The following TDRD3 variants were observed in gnomAD, a reference collection of about 807,000 sequenced individuals.
TDRD3 encodes tudor domain containing 3.
In TDRD3, 45 loss-of-function variants were observed where a neutral mutation model predicts 86.7. The observed-to-expected ratio is 0.52, with a 90% CI of 0.41 to 0.67. TDRD3 has a LOEUF of 0.67. TDRD3 is among the 30% of genes least tolerant of loss of function. The pLI is 0.00. For synonymous variants in TDRD3, 298 were observed against 301.7 expected (o/e 0.99, Z 0.13); for missense variants, 814 against 889.0 (o/e 0.92, Z 1.07).
At chr13:60,472,140 C>T (rs899997130) in intron 5 of TDRD3, among the ~76,000 whole-genome samples, 1 of 151,986 alleles carries the variant, frequency 6.6e-6, no homozygotes. Context: ...GTGTTTTTCC[C>T]CTGCTTCATT....
intron 12 of TDRD3, chr13:60,536,323 A>G (rs1199023165): frequency 2.6e-5 from 4 of 152,118 alleles, no homozygotes; most frequent in African/African-American, 9.7e-5. Flanking sequence ...AAGATTGCTA[A>G]TGGCTCATAT....
At chr13:60,443,976 A>C (rs1401487824) in intron 2 of TDRD3, among the ~76,000 whole-genome samples, 2 of 151,938 alleles carry the variant, frequency 1.3e-5, no homozygotes, top group African/African-American at 4.8e-5. Context: ...ACACAGTCGT[A>C]AAATATTCTG....
chr13:60,555,683 A>G (rs908049864), intron 12 of TDRD3, among the ~76,000 whole-genome samples: 3 of 152,178 alleles, frequency 2.0e-5, no homozygotes, highest in Non-Finnish European at 2.9e-5. Flanking sequence ...TTGATTCTCA[A>G]TATGTGATAA....
At chr13:60,497,107 AAC>A (rs1178026253) in intron 8 of TDRD3, among the ~76,000 whole-genome samples, 5 of 152,180 alleles carry the variant, frequency 3.3e-5, no homozygotes, top group Non-Finnish European at 7.3e-5. Flanking sequence ...CTGGATCAGA[AAC>A]ACAGTGGACA....
chr13:60,413,442 A>G (rs576054922), intron 1 of TDRD3, among the ~76,000 whole-genome samples: 14 of 152,298 alleles, frequency 9.2e-5, no homozygotes, highest in African/African-American at 3.1e-4. Flanking sequence ...AACCTTGGGC[A>G]CATTTCTTAA....
At chr13:60,410,145 C>T (rs1954326409) in intron 1 of TDRD3, among the ~76,000 whole-genome samples, 1 of 152,202 alleles carries the variant, frequency 6.6e-6, no homozygotes, top group Non-Finnish European at 1.5e-5. Flanking sequence ...ATTCTGAGGC[C>T]TCCCCAGCCA....
At chr13:60,532,931 C>T (rs1318673141) in intron 11 of TDRD3, among the ~76,000 whole-genome samples, 1 of 152,102 alleles carries the variant, frequency 6.6e-6, no homozygotes, top group East Asian at 1.9e-4. Flanking sequence ...GGGTTTATAT[C>T]CCAATAAACC....
At chr13:60,493,160 C>T (rs1377468406) in intron 7 of TDRD3, among the ~76,000 whole-genome samples, 1 of 151,624 alleles carries the variant, frequency 6.6e-6, no homozygotes, top group Non-Finnish European at 1.5e-5. Context: ...CCTCGTGATC[C>T]ACCCGTCTCG....
intron 5 of TDRD3, among the ~76,000 whole-genome samples, chr13:60,477,937 G>T (rs574946157): frequency 6.6e-6 from 1 of 152,204 alleles, no homozygotes; most frequent in South Asian, 2.1e-4. Context: ...GAACAGTTTC[G>T]GTAGGATTGG....
chr13:60,565,975 A>G (rs1279573317), intron 12 of TDRD3, among the ~76,000 whole-genome samples: 1 of 152,226 alleles, frequency 6.6e-6, no homozygotes, highest in Non-Finnish European at 1.5e-5. Context: ...GATATAGGGA[A>G]AGGAAAACTC....
chr13:60,532,262 G>A (rs1038294916), intron 11 of TDRD3, among the ~76,000 whole-genome samples: 2 of 152,126 alleles, frequency 1.3e-5, no homozygotes, highest in African/African-American at 4.8e-5. Flanking sequence ...TGAGTGATTG[G>A]AGCATTCTTA....
At chr13:60,442,199 G>A (rs1481951985) in intron 2 of TDRD3, among the ~76,000 whole-genome samples, 1 of 152,018 alleles carries the variant, frequency 6.6e-6, no homozygotes, top group Non-Finnish European at 1.5e-5. Flanking sequence ...TCAAATACTG[G>A]AATTATTCAG....
intron 10 of TDRD3, among the ~76,000 whole-genome samples, chr13:60,517,607 C>T (rs1957202807): frequency 6.6e-6 from 1 of 152,192 alleles, no homozygotes; most frequent in Non-Finnish European, 1.5e-5. Flanking sequence ...TATTCCTAGC[C>T]ATCTCTATGG....
intron 7 of TDRD3, among the ~76,000 whole-genome samples, chr13:60,493,231 T>C (rs1403548905): frequency 1.3e-5 from 2 of 152,146 alleles, no homozygotes; most frequent in African/African-American, 2.4e-5. Context: ...AATAATTTTC[T>C]AATGTTATTG....
At chr13:60,466,783 G>A (rs1456236019) in intron 4 of TDRD3, among the ~76,000 whole-genome samples, 1 of 149,674 alleles carries the variant, frequency 6.7e-6, no homozygotes, top group East Asian at 2.0e-4. Flanking sequence ...GGGTGACGGA[G>A]GCTCTGTCTT....
chr13:60,467,482 T>G, intron 5 of TDRD3, 103 bp downstream of exon 5: 1 of 1,267,338 alleles, frequency 7.9e-7, no homozygotes, highest in South Asian at 1.3e-5. Flanking sequence ...TGTGTCGGAG[T>G]TGAATAGAAT....
chr13:60,474,952 T>A lies in TDRD3; in HGVS notation c.495+7573T>A, dbSNP rs190426128. Among the ~76,000 whole-genome samples, 339 of 152,270 alleles carry A rather than the reference T, an allele frequency of 2.2e-3. 4 individuals carry two copies. Among genetic ancestry groups the A allele is most frequent in the African/African-American group, 7.3e-3 (304 of 41,578 alleles). On this transcript the variant is annotated intron_variant, in intron 5 of 13. Coordinates refer to ENST00000377881, the MANE Select transcript of TDRD3 (RefSeq NM_001146070.2). ...TATGTTTCTACATTGAAAGATTTTTTAAATTTTTCTTAAGTGTTTTAAGGA... is the reference window on the plus strand; with the variant it reads ...TATGTTTCTACATTGAAAGATTTTTAAAATTTTTCTTAAGTGTTTTAAGGA...
At chr13:60,556,349 A>G (rs977369721) in intron 12 of TDRD3, among the ~76,000 whole-genome samples, 2 of 152,216 alleles carry the variant, frequency 1.3e-5, no homozygotes, top group African/African-American at 2.4e-5. Flanking sequence ...CAAGTCACCA[A>G]AATAACTTTT....
In TDRD3 at chr13:60,528,961, G is replaced by T. The variant is rs144284013; in HGVS notation, c.1736G>T (p.Arg579Leu). Residue 579 changes from arginine (R) to leucine (L), a missense_variant, in exon 11 of 14, where the codon CGA (arginine) becomes CTA (leucine). Coordinates refer to ENST00000377881, the MANE Select transcript of TDRD3 (RefSeq NM_001146070.2). Reference sequence around the variant, plus strand: ...AATACTGATTATCAGAATCCAGTTCGAAGTAATAGTTTCATTGGTGTTCCA... The same window carrying T: ...AATACTGATTATCAGAATCCAGTTCTAAGTAATAGTTTCATTGGTGTTCCA... Reference protein sequence around the residue: ...NVNTDYQNPVRSNSFIGVPNG... With the variant: ...NVNTDYQNPVLSNSFIGVPNG... 99 of 1,613,928 alleles carry T rather than the reference G, an allele frequency of 6.1e-5. No individual in the cohort carries two copies. The African/African-American group carries it at 1.2e-3, about 19-fold the overall frequency.
Sources: allele counts gnomAD v4.1 joint callset (sites outside exome capture counted in the v4.1 genomes callset), GRCh38; gene constraint gnomAD v4.1.1; transcripts MANE v1.5; gene names NCBI Gene and HGNC (gene_info 2026-07-23, HGNC 2026-07-21).